POP1: variants seen among roughly 807,000 people sequenced by gnomAD.
POP1 encodes the protein ribonucleases P/MRP protein subunit POP1.
In POP1, 75 loss-of-function variants were observed where a neutral mutation model predicts 102.2. That is an observed-to-expected ratio of 0.73 (90% CI 0.61 to 0.89). The LOEUF (loss-of-function observed/expected upper bound fraction) is 0.89. POP1 is among the 40% of genes least tolerant of loss of function. The probability of loss-of-function intolerance (pLI) is 0.00; values close to 1 mark genes in which losing one functional copy is unlikely to be tolerated. For synonymous variants in POP1, 436 were observed against 464.1 expected, an observed-to-expected ratio of 0.94 and a Z score of 0.78; for missense variants, 1,116 against 1,267.4, an observed-to-expected ratio of 0.88 and a Z score of 1.81.
chr8:98,148,121 A>T (rs1809405050), intron 12 of POP1, among the ~76,000 whole-genome samples: 1 of 152,216 alleles, frequency 6.6e-6, no homozygotes, highest in Non-Finnish European at 1.5e-5. Flanking sequence ...GGCTAAAGAG[A>T]TATAGTTTGG....
At chr8:98,135,706 AAT>A (rs972605767) in intron 7 of POP1, among the ~76,000 whole-genome samples, 5 of 151,746 alleles carry the variant, frequency 3.3e-5, no homozygotes, top group East Asian at 1.9e-4. Flanking sequence ...AATTAAAAAA[AAT>A]TTTTTTTTCC....
At chr8:98,131,964 G>A (rs1816395136) in intron 5 of POP1, among the ~76,000 whole-genome samples, 1 of 152,124 alleles carries the variant, frequency 6.6e-6, no homozygotes, top group Admixed American at 6.5e-5. Flanking sequence ...ACAGCTTGTT[G>A]GTGGCCTACA....
At position 98,158,316 on chromosome 8, in the gene POP1, T is replaced by C. The variant is rs369313380; in HGVS notation, c.*45T>C. The C allele has an allele frequency of 6.3e-7, 1 of 1,592,358 alleles. No individual in the cohort carries two copies. Among genetic ancestry groups the C allele is most frequent in the Non-Finnish European group, 8.5e-7 (1 of 1,173,770 alleles). On this transcript the variant is annotated 3_prime_UTR_variant, in exon 16 of 16. Coordinates refer to ENST00000401707, the MANE Select transcript of POP1 (RefSeq NM_001145860.2). ...CAGGGCATAGATAATACGTTATTATTGTCTGCCAAGTTCTACATGTGGAGA... is the reference window on the plus strand; with the variant it reads ...CAGGGCATAGATAATACGTTATTATCGTCTGCCAAGTTCTACATGTGGAGA...
Position 98,129,988 on chromosome 8 carries a change from C to T in POP1, c.497C>T (p.Ala166Val). Residue 166 changes from alanine to valine, a missense_variant, in exon 5 of 16, where the codon GCC (alanine) becomes GTC (valine). Physicochemically the swap from Ala to Val is moderately conservative, Grantham distance 64 (BLOSUM62 0). Transcript: ENST00000401707. The part of the protein sequence containing the change: ...QEIAQKEAEK[A>V]VHQKKEHSKN... ...TACTTGAAACTATAGGCGGAGAAAG[C>T]CGTACATCAGAAAAAAGAACATTCA... 6.2e-7 allele frequency: 1 copy of T among 1,613,934 alleles called. No individual in the cohort carries two copies. The highest frequency in any genetic ancestry group is 1.1e-5 in the South Asian group (1 of 91,060).
In POP1 at chr8:98,127,877, C is replaced by T. The variant is rs1270750382; in HGVS notation, c.310+115C>T. On this transcript the variant is annotated intron_variant, in intron 3 of 15. Transcript: ENST00000401707. ...CTGCCTCCCCTACCTCTCCTCTCCT[C>T]CTCCTACTTTAGACCCTTCTCGCCT... 3.5e-6 allele frequency: 4 copies of T among 1,139,608 alleles called. No individual in the cohort carries two copies. In the Admixed American group the frequency reaches 5.6e-5, roughly 16 times the overall value. 70.6% of individuals were successfully genotyped at this position (1,139,608 alleles called of 1,614,324 possible).
chr8:98,153,533 CTTTTTT>C (rs747984872), intron 14 of POP1, among the ~76,000 whole-genome samples: 86 of 85,506 alleles, frequency 1.0e-3, no homozygotes, highest in African/African-American at 3.6e-3. Context: ...AGTTCTGACT[CTTTTTT>C]TTTTTTTTTT....
chr8:98,156,349 T>C lies in POP1; in HGVS notation c.2357T>C (p.Ile786Thr). Residue 786 changes from isoleucine to threonine, a missense_variant, in exon 15 of 16, where the codon ATC (isoleucine) becomes ACC (threonine). Physicochemically the swap from Ile to Thr is moderately conservative, Grantham distance 89. Coordinates refer to ENST00000401707, the MANE Select transcript of POP1 (RefSeq NM_001145860.2). Reference sequence around the variant, plus strand: ...CAAGAATCGGCAGGGCCTGAGAGGATCACAGACCAGGAGGCCAGTGAAAAC... The same window carrying C: ...CAAGAATCGGCAGGGCCTGAGAGGACCACAGACCAGGAGGCCAGTGAAAAC... ...GCQESAGPER[I>T]TDQEASENHV... The C allele has an allele frequency of 6.2e-7, 1 of 1,613,904 alleles. No homozygotes were observed. Among genetic ancestry groups the C allele is most frequent in the Non-Finnish European group, 8.5e-7 (1 of 1,179,978 alleles).
rs1356125848 is a variant in POP1, at chr8:98,136,642, A to G, written c.1172A>G (p.Glu391Gly). Residue 391 changes from glutamate (E) to glycine (G), a missense_variant, in exon 8 of 16, where the codon GAA becomes GGA. Coordinates refer to ENST00000401707, the MANE Select transcript of POP1 (RefSeq NM_001145860.2). ...GKKRKRKDDGENAKPIKKIIG... is the reference protein window; with the variant it reads ...GKKRKRKDDGGNAKPIKKIIG... ...AAAAGAAAAAGGAAAGATGATGGAG[A>G]AAATGCTAAACCAATTAAAAAAATT... 21 of 1,613,766 alleles carry G rather than the reference A, an allele frequency of 1.3e-5. No individual in the cohort carries two copies. Among genetic ancestry groups the G allele is most frequent in the Non-Finnish European group, 1.8e-5 (21 of 1,179,796 alleles).
At chr8:98,133,550 G>T (rs779127163) in intron 5 of POP1, among the ~76,000 whole-genome samples, 1 of 152,062 alleles carries the variant, frequency 6.6e-6, no homozygotes, top group Non-Finnish European at 1.5e-5. Flanking sequence ...TTTTACTCTG[G>T]TTTCTTACCT....
At chr8:98,121,512 G>GTTTTTTTT (rs34259075) in intron 1 of POP1, among the ~76,000 whole-genome samples, 1 of 119,694 alleles carries the variant, frequency 8.4e-6, no homozygotes, top group African/African-American at 3.3e-5. Flanking sequence ...GGTTACACGG[G>GTTTTTTTT]TTTTTTTTTT....
At position 98,148,808 on chromosome 8, in the gene POP1, AC is replaced by A; in HGVS notation, c.1711-6del. On this transcript the variant is annotated splice_region_variant and splice_polypyrimidine_tract_variant and intron_variant, in intron 12 of 15. Transcript: ENST00000401707. ...TATTTGTCTTGAATTATTTTCTTCC[AC>A]TTTAGGATTTAAACCGGATGAGGAG... 1 of 1,609,558 alleles carries A rather than the reference AC, an allele frequency of 6.2e-7. No homozygotes were observed. Among genetic ancestry groups the A allele is most frequent in the Non-Finnish European group, 8.5e-7 (1 of 1,176,974 alleles).
In POP1 at chr8:98,158,279, C is replaced by T. The variant is rs1260438635; in HGVS notation, c.*8C>T. 5 of 1,606,662 alleles carry T rather than the reference C, an allele frequency of 3.1e-6. No individual in the cohort carries two copies. The East Asian group carries it at 1.1e-4, about 36-fold the overall frequency. Reference sequence around the variant, plus strand: ...ATTGCTATTGAGGTGTGAATGCGTGCTTGTATCCCAGCAGGGCATAGATAA... The same window carrying T: ...ATTGCTATTGAGGTGTGAATGCGTGTTTGTATCCCAGCAGGGCATAGATAA... On this transcript the variant is annotated 3_prime_UTR_variant, in exon 16 of 16. Coordinates refer to ENST00000401707, the MANE Select transcript of POP1 (RefSeq NM_001145860.2).
At chr8:98,131,115 A>C (rs1321481733) in intron 5 of POP1, among the ~76,000 whole-genome samples, 1 of 152,262 alleles carries the variant, frequency 6.6e-6, no homozygotes, top group African/African-American at 2.4e-5. Context: ...AATTGTGGTC[A>C]AATATACATA....
At chr8:98,147,436 G>A (rs2130621700) in intron 12 of POP1, among the ~76,000 whole-genome samples, 2 of 152,338 alleles carry the variant, frequency 1.3e-5, no homozygotes, top group Admixed American at 1.3e-4. Context: ...AATGGGGTGA[G>A]AGAGGAAGCT....
rs1284236088 is a variant in POP1 at position 98,117,312 on chromosome 8, C to T, written c.-81C>T. The stretch of plus-strand genomic sequence containing the variant: ...TGGCGCATGCGCTCTCCAGCGCGCT[C>T]TCCAGGAGCTTTGGCTCGGTGGGTA... On this transcript the variant is annotated 5_prime_UTR_variant, in exon 1 of 16. Transcript: ENST00000401707. 3.4e-6 allele frequency: 2 copies of T among 586,790 alleles called. No homozygotes were observed. Among genetic ancestry groups the T allele is most frequent in the Admixed American group, 6.1e-5 (2 of 32,924 alleles). The allele number at this position is 586,790 out of a possible 1,614,324, so 36.3% of individuals were successfully genotyped here. A position where few individuals can be genotyped will look rare whatever the true frequency, so the allele number is the denominator to read the frequency against.
chr8:98,136,719 A>G lies in POP1; in HGVS notation c.1249A>G (p.Thr417Ala). ...PCLPYSWISP[T>A]TGIIISDLTM... Reference sequence around the variant, plus strand: ...TCTACCATACTCTTGGATCTCTCCAACCACAGGCATTATAATCAGGTATGA... The same window carrying G: ...TCTACCATACTCTTGGATCTCTCCAGCCACAGGCATTATAATCAGGTATGA... The change falls in exon 8 of 16, where the codon ACC becomes GCC. Residue 417 changes from threonine to alanine, a missense_variant. By Grantham distance (58) the Thr-to-Ala change is moderately conservative. Coordinates refer to ENST00000401707, the MANE Select transcript of POP1 (RefSeq NM_001145860.2). 1 of 1,614,020 alleles carries G rather than the reference A, an allele frequency of 6.2e-7. No individual in the cohort carries two copies. Among genetic ancestry groups the G allele is most frequent in the Non-Finnish European group, 8.5e-7 (1 of 1,179,870 alleles).
intron 3 of POP1, 42 bp from the exon 4 acceptor site, chr8:98,128,323 T>G (rs1215801477): frequency 2.5e-6 from 4 of 1,591,658 alleles, no homozygotes; most frequent in Non-Finnish European, 3.4e-6. Context: ...CCAATGTTAA[T>G]TCAAGATTGG....
chr8:98,154,488 G>A (rs1318126039), intron 14 of POP1, among the ~76,000 whole-genome samples: 3 of 152,200 alleles, frequency 2.0e-5, no homozygotes, highest in South Asian at 4.1e-4. Flanking sequence ...TACTGACATC[G>A]CAGTTTGAAG....
chr8:98,154,423 T>A (rs1345244634), intron 14 of POP1, among the ~76,000 whole-genome samples: 7 of 152,000 alleles, frequency 4.6e-5, no homozygotes, highest in Non-Finnish European at 1.0e-4. Flanking sequence ...GGTTGGGGCA[T>A]TGTTGTGGGA....
Sources: allele counts gnomAD v4.1 joint callset (sites outside exome capture counted in the v4.1 genomes callset), GRCh38; gene constraint gnomAD v4.1.1; transcripts MANE v1.5; gene names NCBI Gene and HGNC (gene_info 2026-07-23, HGNC 2026-07-21).